PPP2R2B: variants seen among roughly 807,000 people sequenced by gnomAD.
PPP2R2B encodes protein phosphatase 2 regulatory subunit Bbeta.
PPP2R2B carries 5 observed loss-of-function variants against 46.0 expected under a neutral mutation model. The observed-to-expected ratio is 0.11, with a 90% CI of 0.06 to 0.23. The LOEUF (loss-of-function observed/expected upper bound fraction) is 0.23. Ranked by LOEUF, PPP2R2B falls within the 10% of genes least tolerant of loss-of-function variation. PPP2R2B has a pLI of 1.00. For missense variants in PPP2R2B, 367 were observed against 575.0 expected, an observed-to-expected ratio of 0.64 and a Z score of 3.70; for synonymous variants, 215 against 206.7, an observed-to-expected ratio of 1.04 and a Z score of -0.34.
At position 146,900,557 on chromosome 5, in the gene PPP2R2B, TCC is replaced by T. The variant is rs1762796998; in HGVS notation, c.79+155106_79+155107del. Among the ~76,000 whole-genome samples, 6 of 40,624 alleles carry T rather than the reference TCC, an allele frequency of 1.5e-4. No individual in the cohort carries two copies. In the South Asian group the frequency reaches 2.7e-3, roughly 18 times the overall value. The allele number at this position is 40,624 out of a possible 152,430, so 26.7% of individuals were successfully genotyped here. A position where few individuals can be genotyped will look rare whatever the true frequency, so the allele number is the denominator to read the frequency against. ...TTTCCTTTCTTTTTCCTTCCTTTCT[TCC>T]TTCCTTCCTTCCTTCCTTCCTTCCT... On this transcript the variant is annotated intron_variant, in intron 1 of 8. Transcript: ENST00000336640.
Position 146,962,080 on chromosome 5 carries a change from G to C in PPP2R2B, c.79+93585C>G, listed in dbSNP as rs56752268. On this transcript the variant is annotated intron_variant, in intron 1 of 8. Transcript: ENST00000336640. Reference sequence around the variant, plus strand: ...AAGGGAATGAGTTAATAAACTCTTCGCAACATCCCTGCCCCCATACTCCCA... The same window carrying C: ...AAGGGAATGAGTTAATAAACTCTTCCCAACATCCCTGCCCCCATACTCCCA... Among the ~76,000 whole-genome samples, 679 of 146,524 alleles carry C rather than the reference G, an allele frequency of 4.6e-3. 6 individuals carry two copies. Among genetic ancestry groups the C allele is most frequent in the African/African-American group, 0.016 (640 of 39,246 alleles).
At chr5:146,982,540 A>G (rs948016633) in intron 1 of PPP2R2B, among the ~76,000 whole-genome samples, 1 of 152,282 alleles carries the variant, frequency 6.6e-6, no homozygotes. Flanking sequence ...ATAAATGTCA[A>G]TTAGATCCTG....
intron 2 of PPP2R2B, among the ~76,000 whole-genome samples, chr5:146,767,159 G>A (rs1477557918): frequency 6.7e-6 from 1 of 149,794 alleles, no homozygotes; most frequent in East Asian, 2.1e-4. Context: ...AAATGTTTAG[G>A]CCAAGAAGAA....
chr5:146,805,232 T>C (rs1757105731), intron 2 of PPP2R2B, among the ~76,000 whole-genome samples: 1 of 152,136 alleles, frequency 6.6e-6, no homozygotes, highest in South Asian at 2.1e-4. Flanking sequence ...CCCTGAGCCA[T>C]TTGTGCATGA....
chr5:146,717,122 C>A (rs1343417148), intron 2 of PPP2R2B, among the ~76,000 whole-genome samples: 8 of 152,220 alleles, frequency 5.3e-5, no homozygotes, highest in Non-Finnish European at 1.2e-4. Flanking sequence ...TTTTTACCTA[C>A]AACTTATTGT....
chr5:146,648,608 G>A (rs1035790602), intron 6 of PPP2R2B, among the ~76,000 whole-genome samples: 1 of 152,118 alleles, frequency 6.6e-6, no homozygotes, highest in African/African-American at 2.4e-5. Flanking sequence ...ATCCTAACAT[G>A]AGGAAACCAA....
At chr5:146,904,927 A>G (rs1437648705) in intron 1 of PPP2R2B, among the ~76,000 whole-genome samples, 1 of 152,234 alleles carries the variant, frequency 6.6e-6, no homozygotes, top group African/African-American at 2.4e-5. Context: ...ACTTATATTC[A>G]GCCTATTTAA....
intron 1 of PPP2R2B, among the ~76,000 whole-genome samples, chr5:147,050,047 A>G (rs1001892677): frequency 6.6e-6 from 1 of 152,204 alleles, no homozygotes; most frequent in Non-Finnish European, 1.5e-5. Flanking sequence ...CTGACAAAGT[A>G]GGAACAAGTG....
intron 2 of PPP2R2B, among the ~76,000 whole-genome samples, chr5:146,763,086 T>G (rs1440897078): frequency 6.6e-6 from 1 of 152,068 alleles, no homozygotes; most frequent in Non-Finnish European, 1.5e-5. Context: ...CATAACAAAG[T>G]GGAGAGGAGA....
At chr5:146,930,461 G>A (rs1196364225) in intron 1 of PPP2R2B, among the ~76,000 whole-genome samples, 1 of 152,162 alleles carries the variant, frequency 6.6e-6, no homozygotes, top group East Asian at 1.9e-4. Context: ...TTTCTTGGGG[G>A]AAAGAAGAGA....
chr5:146,674,321 T>C (rs1777567619), intron 5 of PPP2R2B, among the ~76,000 whole-genome samples: 1 of 152,196 alleles, frequency 6.6e-6, no homozygotes, highest in African/African-American at 2.4e-5. Flanking sequence ...CCTGGAGTTG[T>C]CACTCTAAAG....
intron 7 of PPP2R2B, among the ~76,000 whole-genome samples, chr5:146,629,704 CCCCTCCCTCTCTTTCT>C (rs1459368877): frequency 3.2e-5 from 4 of 126,318 alleles, no homozygotes; most frequent in African/African-American, 1.1e-4. Context: ...CTTTCCTTTT[CCCCTCCCTCTCTTTCT>C]CCCTCCCTCT....
intron 8 of PPP2R2B, among the ~76,000 whole-genome samples, chr5:146,598,619 C>A (rs1348027975): frequency 2.6e-5 from 4 of 152,204 alleles, no homozygotes; most frequent in Admixed American, 2.0e-4. Flanking sequence ...GGCAACTCTA[C>A]TTTTCTAATT....
chr5:146,618,160 G>A (rs1773372680), intron 7 of PPP2R2B, among the ~76,000 whole-genome samples: 1 of 152,210 alleles, frequency 6.6e-6, no homozygotes, highest in Admixed American at 6.5e-5. Context: ...TAGATTATCT[G>A]AGTGGGCTCA....
At chr5:147,062,377 A>G (rs1435068857) in intron 2 of PPP2R2B, among the ~76,000 whole-genome samples, 1 of 152,210 alleles carries the variant, frequency 6.6e-6, no homozygotes, top group Non-Finnish European at 1.5e-5. Context: ...CACCAAATCT[A>G]TATTCATCTG....
At chr5:146,824,505 C>T (rs185345307) in intron 2 of PPP2R2B, among the ~76,000 whole-genome samples, 151 of 152,200 alleles carry the variant, frequency 9.9e-4, no homozygotes, top group African/African-American at 3.6e-3. Flanking sequence ...TGGTTCTTAT[C>T]ATCACAGAAG....
At chr5:147,049,276 G>A (rs1050433009) in intron 1 of PPP2R2B, among the ~76,000 whole-genome samples, 2 of 152,148 alleles carry the variant, frequency 1.3e-5, no homozygotes, top group Non-Finnish European at 2.9e-5. Context: ...ATGAGAGAAA[G>A]AAGGAAATTG....
At chr5:146,669,867 A>G (rs999408432) in intron 5 of PPP2R2B, among the ~76,000 whole-genome samples, 2 of 152,186 alleles carry the variant, frequency 1.3e-5, no homozygotes, top group Non-Finnish European at 2.9e-5. Context: ...GGTCAATACC[A>G]TGGCATTTTT....
At chr5:146,738,971 T>A (rs1752707245) in intron 2 of PPP2R2B, among the ~76,000 whole-genome samples, 1 of 152,112 alleles carries the variant, frequency 6.6e-6, no homozygotes, top group African/African-American at 2.4e-5. Flanking sequence ...ACACATACAT[T>A]GTAATATAAT....
Sources: gnomAD v4.1 joint callset for allele counts (sites outside exome capture counted in the v4.1 genomes callset) on GRCh38, gnomAD v4.1.1 for gene constraint, MANE v1.5 for transcripts, NCBI Gene and HGNC (gene_info 2026-07-23, HGNC 2026-07-21) for gene names.